Variants in TTN observed in about 807,000 individuals in gnomAD.
The protein encoded by TTN is connectin.
In TTN, 1,525 loss-of-function variants were observed where a neutral mutation model predicts 3,223.0. That is an observed-to-expected ratio of 0.47 (90% CI 0.45 to 0.49). The LOEUF (loss-of-function observed/expected upper bound fraction) is 0.49. Among genes scored for constraint, TTN ranks in the 20% least tolerant of loss-of-function variants. The pLI is 0.00. For missense variants in TTN, 40,786 were observed against 43,424.0 expected (o/e 0.94, Z 5.40); for synonymous variants, 14,094 against 15,161.0 (o/e 0.93, Z 5.17).
In TTN at chr2:178,622,701, A is replaced by G. The variant is rs794729433; in HGVS notation, c.44882T>C (p.Phe14961Ser). Reference protein sequence around the residue: ...LQVREKEMARFECELSRENAK... With the variant: ...LQVREKEMARSECELSRENAK... ...ATTTTCTCGGGAAAGTTCACACTCA[A>G]ATCGAGCCATTTCTTTTTCTCTAAC... The change falls in exon 243 of 363, where the codon TTT becomes TCT. Residue 14961 changes from phenylalanine (F) to serine (S), a missense_variant. Phe to Ser is a radical substitution (Grantham distance 155). Transcript: ENST00000589042. The G allele has an allele frequency of 2.5e-6, 4 of 1,607,644 alleles. No individual in the cohort carries two copies. The highest frequency in any genetic ancestry group is 3.4e-6 in the Non-Finnish European group (4 of 1,176,964).
chr2:178,560,830 A>G lies in TTN; in HGVS notation c.85302T>C (p.Asn28434=), dbSNP rs750968778. Residue 28434 remains asparagine, a synonymous_variant, in exon 326 of 363, where the codon AAT becomes AAC. Coordinates refer to ENST00000589042, the MANE Select transcript of TTN (RefSeq NM_001267550.2). ...CGGCCACAGACCGAGTGCCGGCAAC[A>G]TTCTTCAGTGTTAGTACATATTGCC... The part of the protein sequence containing the change: ...DTGQYVLTLK[N]VAGTRSVAVN... 1 of 1,613,710 alleles carries G rather than the reference A, an allele frequency of 6.2e-7. No homozygotes were observed. The highest frequency in any genetic ancestry group is 1.3e-5 in the African/African-American group (1 of 75,038).
chr2:178,715,704 T>C lies in TTN; in HGVS notation c.25710A>G (p.Glu8570=), dbSNP rs1286326979. Residue 8570 remains glutamate, a synonymous_variant, in exon 89 of 363, where the codon GAA becomes GAG. Coordinates refer to ENST00000589042, the MANE Select transcript of TTN (RefSeq NM_001267550.2). ...TTTCTGGAGACCCACCGATTTTGCA[T>C]TCATACCTTGTGAATTCATCCTGTT... ...IVKQDEFTRY[E]CKIGGSPEIK... 4.4e-6 allele frequency: 7 copies of C among 1,607,914 alleles called. No individual in the cohort carries two copies. In the African/African-American group the frequency reaches 8.0e-5, roughly 18 times the overall value.
chr2:178,715,953 C>T (rs1030081092), intron 88 of TTN, among the ~76,000 whole-genome samples, 179 bp from the exon 89 acceptor site: 2 of 152,032 alleles, frequency 1.3e-5, no homozygotes, highest in Non-Finnish European at 2.9e-5. Context: ...ATAAAATATG[C>T]TTGTTTTTGT....
rs377193788 is a variant in TTN at position 178,734,798 on chromosome 2, C to G, written c.15126G>C (p.Thr5042=). The G allele has an allele frequency of 1.2e-6, 2 of 1,613,808 alleles. No individual in the cohort carries two copies. The highest frequency in any genetic ancestry group is 3.3e-5 in the Admixed American group (2 of 60,008). The change falls in exon 51 of 363, where the codon ACG becomes ACC. Residue 5042 remains threonine (T), a synonymous_variant. Coordinates refer to ENST00000589042, the MANE Select transcript of TTN (RefSeq NM_001267550.2). ...TCCCACTGTCTTCAACTTTTACATC[C>G]GTAATATCAAGTATAGCCTCAGAAT... ...FVNSEAILDI[T]DVKVEDSGSY... is the part of the protein sequence containing the mutation.
At chr2:178,600,731 C>A (rs2053159013) in intron 288 of TTN, 123 bp downstream of exon 288, 2 of 1,146,834 alleles carry the variant, frequency 1.7e-6, no homozygotes, top group Non-Finnish European at 2.6e-6. Context: ...GTGCCCATGT[C>A]TACATTCAAG....
In TTN at chr2:178,621,221, T is replaced by A. The variant is rs2154211726; in HGVS notation, c.45497A>T (p.Asp15166Val). 1 of 1,612,392 alleles carries A rather than the reference T, an allele frequency of 6.2e-7. No individual in the cohort carries two copies. Among genetic ancestry groups the A allele is most frequent in the Non-Finnish European group, 8.5e-7 (1 of 1,179,152 alleles). Residue 15166 changes from aspartate to valine, a missense_variant, in exon 246 of 363, where the codon GAC (aspartate) becomes GTC (valine). By Grantham distance (152) the Asp-to-Val change is radical (BLOSUM62 -3). Transcript: ENST00000589042. ...DKTLESGDKY[D>V]VIADGKKRVL... ...CCTCTTTTTACCATCAGCAATAACG[T>A]CATATTTATCTCCAGATTCAAGTGT...
In TTN at chr2:178,590,287, C is replaced by T; in HGVS notation, c.61438G>A (p.Val20480Ile). The change falls in exon 304 of 363, where the codon GTT becomes ATT. Residue 20480 changes from valine to isoleucine, a missense_variant. By Grantham distance (29) the Val-to-Ile change is conservative. Transcript: ENST00000589042. Reference protein sequence around the residue: ...ILHPPEVELDVTCRDVITVRV... With the variant: ...ILHPPEVELDITCRDVITVRV... ...ACGGTAATAACATCACGACAAGTAA[C>T]ATCAAGTTCTACTTCTGGAGGATGA... 2 of 1,570,730 alleles carry T rather than the reference C, an allele frequency of 1.3e-6. No homozygotes were observed. The highest frequency in any genetic ancestry group is 1.7e-6 in the Non-Finnish European group (2 of 1,159,012).
Position 178,555,007 on chromosome 2 carries a change from A to C in TTN, c.88452T>G (p.Asn29484Lys). The change falls in exon 331 of 363, where the codon AAT becomes AAG. Residue 29484 changes from asparagine (N) to lysine (K), a missense_variant. Transcript: ENST00000589042. Reference protein sequence around the residue: ...WYKDDKELQTNALVCVENTTD... With the variant: ...WYKDDKELQTKALVCVENTTD... Reference sequence around the variant, plus strand: ...TGGTATTTTCAACACACACCAGTGCATTGGTTTGTAATTCTTTATCATCTT... The same window carrying C: ...TGGTATTTTCAACACACACCAGTGCCTTGGTTTGTAATTCTTTATCATCTT... The C allele has an allele frequency of 6.2e-7, 1 of 1,613,714 alleles. No individual in the cohort carries two copies. The highest frequency in any genetic ancestry group is 1.1e-5 in the South Asian group (1 of 91,078).
Position 178,554,043 on chromosome 2 carries a change from C to T in TTN, c.89068G>A (p.Asp29690Asn), listed in dbSNP as rs1209113873. 2 of 1,613,816 alleles carry T rather than the reference C, an allele frequency of 1.2e-6. No individual in the cohort carries two copies. The highest frequency in any genetic ancestry group is 4.5e-5 in the East Asian group (2 of 44,860). ...AGTCCTGTTACTTTTTGTCTGGTGT[C>T]ACGGATAGTCTCTTTTAGTACTTTA... Reference protein sequence around the residue: ...WFKVLKETIRDTRQKVTGLTE... With the variant: ...WFKVLKETIRNTRQKVTGLTE... Residue 29690 changes from aspartate to asparagine, a missense_variant, in exon 333 of 363, where the codon GAC (aspartate) becomes AAC (asparagine). By Grantham distance (23) the Asp-to-Asn change is conservative. Transcript: ENST00000589042.
chr2:178,688,892 A>T, intron 125 of TTN, 114 bp from the exon 126 acceptor site: 1 of 1,114,778 alleles, frequency 9.0e-7, no homozygotes, highest in Non-Finnish European at 1.3e-6. Flanking sequence ...AAATGGGAAA[A>T]CAAGTTACAT....
chr2:178,639,391 T>A (rs138240043), intron 223 of TTN, among the ~76,000 whole-genome samples: 1 of 152,060 alleles, frequency 6.6e-6, no homozygotes, highest in East Asian at 1.9e-4. Context: ...CCTTACAGGG[T>A]CTCTGCCTGT....
Position 178,777,254 on chromosome 2 carries a change from C to T in TTN, c.4709G>A (p.Gly1570Asp). The change falls in exon 27 of 363, where the codon GGT becomes GAT. Residue 1570 changes from glycine (G) to aspartate (D), a missense_variant. Gly to Asp is a moderately conservative substitution (Grantham distance 94). Transcript: ENST00000589042. ...EKLKNVNIKEGSRLEMKVRAT... is the reference protein window; with the variant it reads ...EKLKNVNIKEDSRLEMKVRAT... ...TCTGACTTTCATTTCAAGTCGGGAACCTTCCTTTATATTGACATTTTTCAG... is the reference window on the plus strand; with the variant it reads ...TCTGACTTTCATTTCAAGTCGGGAATCTTCCTTTATATTGACATTTTTCAG... 1 of 1,614,050 alleles carries T rather than the reference C, an allele frequency of 6.2e-7. No individual in the cohort carries two copies. The highest frequency in any genetic ancestry group is 8.5e-7 in the Non-Finnish European group (1 of 1,179,964).
At position 178,677,219 on chromosome 2, in the gene TTN, G is replaced by A. The variant is rs928758827; in HGVS notation, c.34360C>T (p.Pro11454Ser). 1 of 1,224,038 alleles carries A rather than the reference G, an allele frequency of 8.2e-7. No individual in the cohort carries two copies. Among genetic ancestry groups the A allele is most frequent in the South Asian group, 4.1e-5 (1 of 24,198 alleles). The allele number at this position is 1,224,038 out of a possible 1,614,324, so 75.8% of individuals were successfully genotyped here. ...GGTGTACCTTTGGGTGGTGGTGGAG[G>A]TTCCACTTTTTTAGGGGCGGGAACA... ...VPVPAPKKVE[P>S]PPPPKVPEIK... Residue 11454 changes from proline to serine, a missense_variant, in exon 147 of 363, where the codon CCT becomes TCT. Pro to Ser is a moderately conservative substitution (Grantham distance 74). Coordinates refer to ENST00000589042, the MANE Select transcript of TTN (RefSeq NM_001267550.2).
chr2:178,651,568 A>G, intron 206 of TTN, 32 bp from the exon 207 acceptor site: 1 of 1,608,382 alleles, frequency 6.2e-7, no homozygotes, highest in Non-Finnish European at 8.5e-7. Flanking sequence ...GTTTAAGCTC[A>G]TGGTTTCAAT....
At chr2:178,800,834 G>T in intron 3 of TTN, 152 bp from the exon 4 acceptor site, 1 of 785,618 alleles carries the variant, frequency 1.3e-6, no homozygotes, top group Non-Finnish European at 1.9e-6. Context: ...ACCCAGCAAT[G>T]ACAGCAAGAA....
In TTN at chr2:178,651,913, T is replaced by G; in HGVS notation, c.39350A>C (p.Glu13117Ala). 1.9e-6 allele frequency: 3 copies of G among 1,610,198 alleles called. No individual in the cohort carries two copies. The highest frequency in any genetic ancestry group is 2.5e-6 in the Non-Finnish European group (3 of 1,178,250). ...ALEEPPAEVV[E>A]EPEPAAPPQV... ...TGGAGGCGCCGCTGGCTCTGGCTCT[T>G]CCACAACTTCAGCAGGAGGCTCTTC... The change falls in exon 205 of 363, where the codon GAA becomes GCA. Residue 13117 changes from glutamate to alanine, a missense_variant. By Grantham distance (107) the Glu-to-Ala change is moderately radical. Coordinates refer to ENST00000589042, the MANE Select transcript of TTN (RefSeq NM_001267550.2).
chr2:178,756,139 C>T lies in TTN; in HGVS notation c.11254+83G>A, dbSNP rs527425780. On this transcript the variant is annotated intron_variant, in intron 46 of 362. Transcript: ENST00000589042. Reference sequence around the variant, plus strand: ...TTAGAGATATTCTAATTAATATATTCGTCGATTGAATTTGCATGGCAGAAA... The same window carrying T: ...TTAGAGATATTCTAATTAATATATTTGTCGATTGAATTTGCATGGCAGAAA... 9.4e-4 allele frequency: 954 copies of T among 1,016,742 alleles called. 6 individuals are homozygous for T. In the South Asian group the frequency reaches 0.013, roughly 14 times the overall value. The allele number at this position is 1,016,742 out of a possible 1,614,324, so 63.0% of individuals were successfully genotyped here.
chr2:178,684,922 C>T lies in TTN; in HGVS notation c.32538G>A (p.Lys10846=), dbSNP rs753667120. 1.2e-6 allele frequency: 2 copies of T among 1,608,062 alleles called. No individual in the cohort carries two copies. The highest frequency in any genetic ancestry group is 1.7e-6 in the Non-Finnish European group (2 of 1,176,942). Reference sequence around the variant, plus strand: ...CCAATATACCTTTAGGTGGGGGCACCTTTTCCTTTTTAGGAACTGGAGCAG... The same window carrying T: ...CCAATATACCTTTAGGTGGGGGCACTTTTTCCTTTTTAGGAACTGGAGCAG... ...KVPAPVPKKE[K]VPPPKVPEEP... Residue 10846 remains lysine, a synonymous_variant, in exon 130 of 363, where the codon AAG becomes AAA. Coordinates refer to ENST00000589042, the MANE Select transcript of TTN (RefSeq NM_001267550.2).
chr2:178,570,296 A>G lies in TTN; in HGVS notation c.75836T>C (p.Ile25279Thr), dbSNP rs748074844. 6.2e-7 allele frequency: 1 copy of G among 1,613,360 alleles called. No homozygotes were observed. Among genetic ancestry groups the G allele is most frequent in the South Asian group, 1.1e-5 (1 of 91,074 alleles). The change falls in exon 326 of 363, where the codon ATA becomes ACA. Residue 25279 changes from isoleucine (I) to threonine (T), a missense_variant. Ile to Thr is a moderately conservative substitution (Grantham distance 89, BLOSUM62 -1). Transcript: ENST00000589042. ...AACACCATATTTGTTTACTGCCATT[A>G]TACGGAAAGTATATTCATTGCCTTC... Reference protein sequence around the residue: ...LLEGNEYTFRIMAVNKYGVGE... With the variant: ...LLEGNEYTFRTMAVNKYGVGE...
Sources: gnomAD v4.1 joint callset for allele counts (sites outside exome capture counted in the v4.1 genomes callset) on GRCh38, gnomAD v4.1.1 for gene constraint, MANE v1.5 for transcripts, NCBI Gene and HGNC (gene_info 2026-07-23, HGNC 2026-07-21) for gene names.